Variants in ABHD12 observed in about 807,000 individuals in gnomAD.
ABHD12 encodes the protein lysophosphatidylserine lipase ABHD12.
A neutral mutation model predicts 58.3 loss-of-function variants in ABHD12; 43 were observed. The observed-to-expected ratio is 0.74, with a 90% CI of 0.58 to 0.95. The LOEUF is 0.95. Among genes scored for constraint, ABHD12 ranks in the 40% least tolerant of loss-of-function variants. The probability of loss-of-function intolerance (pLI) is 0.00; values close to 1 mark genes in which losing one functional copy is unlikely to be tolerated. For synonymous variants in ABHD12, 219 were observed against 211.2 expected (o/e 1.04, Z -0.32); for missense variants, 539 against 537.2 (o/e 1.00, Z -0.03).
intron 1 of ABHD12, among the ~76,000 whole-genome samples, chr20:25,363,186 A>C (rs2089775665): frequency 6.6e-6 from 1 of 151,828 alleles, no homozygotes; most frequent in Non-Finnish European, 1.5e-5. Context: ...AGTGTTCACC[A>C]GGTGCCAGCA....
intron 2 of ABHD12, 104 bp from the exon 3 acceptor site, chr20:25,323,534 CG>C: frequency 1.3e-6 from 1 of 767,032 alleles, no homozygotes; most frequent in Non-Finnish European, 2.4e-6. Context: ...TGCATCCACA[CG>C]TGCACACACA....
At chr20:25,329,628 G>A (rs971444388) in intron 2 of ABHD12, among the ~76,000 whole-genome samples, 6 of 152,270 alleles carry the variant, frequency 3.9e-5, no homozygotes, top group Non-Finnish European at 7.4e-5. Flanking sequence ...TATTTGTTGC[G>A]GGAAAGGCTG....
chr20:25,314,323 T>C (rs2088920053), intron 6 of ABHD12, among the ~76,000 whole-genome samples: 1 of 152,142 alleles, frequency 6.6e-6, no homozygotes, highest in African/African-American at 2.4e-5. Context: ...CAAGCTTTGA[T>C]GAGCATAAAC....
In ABHD12 at chr20:25,323,413, T is replaced by C. The variant is rs376230028; in HGVS notation, c.334A>G (p.Ile112Val). The C allele has an allele frequency of 1.2e-6, 2 of 1,609,236 alleles. No individual in the cohort carries two copies. The highest frequency in any genetic ancestry group is 1.1e-5 in the South Asian group (1 of 91,002). The stretch of plus-strand genomic sequence containing the variant: ...TGATCCTGTGGTTTTTTCAAATCAA[T>C]GAAATAGGGAACTCTTACTGTAGGA... ...FLNFVRVPYF[I>V]DLKKPQDQGL... Residue 112 changes from isoleucine (I) to valine (V), a missense_variant, in exon 3 of 13, where the codon ATT becomes GTT. Coordinates refer to ENST00000339157, the MANE Select transcript of ABHD12 (RefSeq NM_001042472.3).
chr20:25,331,513 G>A (rs200689034), intron 2 of ABHD12, among the ~76,000 whole-genome samples: 4 of 152,044 alleles, frequency 2.6e-5, no homozygotes, highest in African/African-American at 4.8e-5. Flanking sequence ...TCAGATTCAC[G>A]AAAGTTGAAA....
At chr20:25,302,945 C>T (rs891098558) in intron 11 of ABHD12, among the ~76,000 whole-genome samples, 1 of 152,174 alleles carries the variant, frequency 6.6e-6, no homozygotes, top group East Asian at 1.9e-4. Context: ...CCTGCCATTA[C>T]CAAGACCCAG....
intron 2 of ABHD12, among the ~76,000 whole-genome samples, chr20:25,338,615 T>C (rs1457254381): frequency 6.6e-6 from 1 of 151,888 alleles, no homozygotes; most frequent in Non-Finnish European, 1.5e-5. Context: ...ACACACAAGG[T>C]CCAAGTTCAC....
At chr20:25,373,810 TA>T (rs1406786558) in intron 1 of ABHD12, among the ~76,000 whole-genome samples, 1 of 152,228 alleles carries the variant, frequency 6.6e-6, no homozygotes. Flanking sequence ...ACCAAGCTTG[TA>T]AAGTTTCTGG....
At chr20:25,312,872 C>T (rs1030859865) in intron 6 of ABHD12, among the ~76,000 whole-genome samples, 9 of 151,276 alleles carry the variant, frequency 5.9e-5, no homozygotes, top group African/African-American at 2.2e-4. Flanking sequence ...CCGGCAGCCG[C>T]CCCGTCTGAG....
At chr20:25,326,001 G>C (rs2089168403) in intron 2 of ABHD12, among the ~76,000 whole-genome samples, 1 of 151,178 alleles carries the variant, frequency 6.6e-6, no homozygotes, top group South Asian at 2.1e-4. Context: ...AACCCGGGAA[G>C]AGGAGGTTGC....
intron 1 of ABHD12, among the ~76,000 whole-genome samples, chr20:25,376,402 C>A (rs2089963323): frequency 1.3e-5 from 2 of 152,068 alleles, no homozygotes; most frequent in African/African-American, 4.8e-5. Context: ...AACTTTAAGG[C>A]CTTAATAAAA....
In ABHD12 at chr20:25,300,689, G is replaced by A. The variant is rs1017487867; in HGVS notation, c.*156C>T. 42 of 1,535,302 alleles carry A rather than the reference G, an allele frequency of 2.7e-5. No homozygotes were observed. In the African/African-American group the frequency reaches 5.6e-4, roughly 21 times the overall value. On this transcript the variant is annotated 3_prime_UTR_variant, in exon 13 of 13. Transcript: ENST00000339157. The stretch of plus-strand genomic sequence containing the variant: ...CTCCGGGCACTGCAGGCCTGCAGGG[G>A]CCTCCCCGCCTGGGATCTGAGGTGC...
intron 9 of ABHD12, among the ~76,000 whole-genome samples, chr20:25,307,401 T>C (rs1175816706): frequency 2.0e-5 from 3 of 152,162 alleles, no homozygotes; most frequent in Non-Finnish European, 4.4e-5. Context: ...CGAGAATCCA[T>C]GGCCAGTGGG....
intron 1 of ABHD12, among the ~76,000 whole-genome samples, chr20:25,341,596 G>A (rs6115149): frequency 2.6e-5 from 4 of 152,090 alleles, no homozygotes; most frequent in Non-Finnish European, 5.9e-5. Flanking sequence ...CCTTTGTGTA[G>A]GTTCCTGGAA....
intron 6 of ABHD12, among the ~76,000 whole-genome samples, chr20:25,311,733 C>T (rs2088852806): frequency 6.6e-6 from 1 of 152,152 alleles, no homozygotes; most frequent in South Asian, 2.1e-4. Context: ...GAGACAGGGT[C>T]TCGCTCTGTC....
intron 1 of ABHD12, among the ~76,000 whole-genome samples, chr20:25,385,287 A>C (rs1309335249): frequency 6.7e-6 from 1 of 150,308 alleles, no homozygotes; most frequent in African/African-American, 2.5e-5. Context: ...CAATGAGCCA[A>C]GATCATGCCA....
intron 2 of ABHD12, among the ~76,000 whole-genome samples, chr20:25,331,091 A>G (rs1418377864): frequency 2.6e-5 from 4 of 152,210 alleles, no homozygotes; most frequent in Non-Finnish European, 1.5e-5. Flanking sequence ...ATGTATAACT[A>G]GAATAACCAA....
chr20:25,355,164 A>T (rs944901567), intron 1 of ABHD12, among the ~76,000 whole-genome samples: 31 of 152,162 alleles, frequency 2.0e-4, no homozygotes, highest in African/African-American at 7.0e-4. Context: ...CTGGTGCCAC[A>T]TCATGCATGT....
intron 5 of ABHD12, among the ~76,000 whole-genome samples, chr20:25,316,271 G>A (rs1451948093): frequency 6.6e-6 from 1 of 152,092 alleles, no homozygotes; most frequent in African/African-American, 2.4e-5. Context: ...GCAATTCTCT[G>A]CCTCAGCCTC....
Sources: allele counts gnomAD v4.1 joint callset (sites outside exome capture counted in the v4.1 genomes callset), GRCh38; gene constraint gnomAD v4.1.1; transcripts MANE v1.5; gene names NCBI Gene and HGNC (gene_info 2026-07-23, HGNC 2026-07-21).